Variants in KIF5A observed in about 807,000 individuals in gnomAD.
The protein encoded by KIF5A is kinesin heavy chain isoform 5A.
KIF5A carries 35 observed loss-of-function variants against 141.3 expected under a neutral mutation model. The ratio of observed to expected loss-of-function variants is 0.25; its 90% CI spans 0.19 to 0.33. The LOEUF (loss-of-function observed/expected upper bound fraction) is 0.33, where lower values mean the gene tolerates loss of function less well. Ranked by LOEUF, KIF5A falls within the 10% of genes least tolerant of loss-of-function variation. The probability of loss-of-function intolerance (pLI) is 1.00; values close to 1 mark genes in which losing one functional copy is unlikely to be tolerated. For missense variants in KIF5A, 861 were observed against 1,314.3 expected (o/e 0.66, Z 5.33); for synonymous variants, 448 against 500.2 (o/e 0.90, Z 1.39).
Position 57,567,950 on chromosome 12 carries a change from T to C in KIF5A, c.714+332T>C, listed in dbSNP as rs560790894. Among the ~76,000 whole-genome samples the C allele has an allele frequency of 2.3e-4, 35 of 151,618 alleles. 1 individual carries two copies. In the South Asian group the frequency reaches 2.9e-3, roughly 13 times the overall value. ...CAGGTTGGAGTGCAGTGGCACGCTC[T>C]CAGCTCACTGCAACCCCTGCCTCCC... On this transcript the variant is annotated intron_variant, in intron 8 of 28. Coordinates refer to ENST00000455537, the MANE Select transcript of KIF5A (RefSeq NM_004984.4).
chr12:57,576,360 C>T lies in KIF5A; in HGVS notation c.2180C>T (p.Thr727Ile), dbSNP rs756519830. The change falls in exon 19 of 29, where the codon ACC becomes ATC. Residue 727 changes from threonine (T) to isoleucine (I), a missense_variant. By Grantham distance (89) the Thr-to-Ile change is moderately conservative. Transcript: ENST00000455537. ...GACGAGATCAACGAGAAGCAGAAGA[C>T]CATTGATGAGCTCAAAGAGTAAGGG... ...LRDEINEKQK[T>I]IDELKDLNQK... The T allele has an allele frequency of 1.9e-6, 3 of 1,613,856 alleles. No individual in the cohort carries two copies. The highest frequency in any genetic ancestry group is 1.1e-5 in the South Asian group (1 of 91,050).
At chr12:57,562,969 C>A (rs1308405642) in intron 1 of KIF5A, among the ~76,000 whole-genome samples, 1 of 152,110 alleles carries the variant, frequency 6.6e-6, no homozygotes, top group East Asian at 1.9e-4. Context: ...GGCATCAGTA[C>A]CTTTAGTTTC....
rs532418567 is a variant in KIF5A at position 57,585,467 on chromosome 12, A to T, written c.*1286A>T. 5.6e-4 allele frequency: 86 copies of T among 154,500 alleles called. No homozygotes were observed. Among genetic ancestry groups the T allele is most frequent in the African/African-American group, 2.0e-3 (84 of 41,634 alleles). 9.6% of individuals were successfully genotyped at this position (154,500 alleles called of 1,614,324 possible). ...TGCAGCACCCTCCATACTGAAGAGGACTGTTGTTTTAGTTTCAGACGGTCC... is the reference window on the plus strand; with the variant it reads ...TGCAGCACCCTCCATACTGAAGAGGTCTGTTGTTTTAGTTTCAGACGGTCC... On this transcript the variant is annotated 3_prime_UTR_variant, in exon 29 of 29. Coordinates refer to ENST00000455537, the MANE Select transcript of KIF5A (RefSeq NM_004984.4).
At chr12:57,564,301 C>A in intron 4 of KIF5A, 89 bp downstream of exon 4, 3 of 1,115,972 alleles carry the variant, frequency 2.7e-6, no homozygotes, top group Non-Finnish European at 4.1e-6. Flanking sequence ...GGCTCCCCAA[C>A]TTGACTCCCT....
At chr12:57,552,187 C>T (rs1881597812) in intron 1 of KIF5A, among the ~76,000 whole-genome samples, 1 of 152,100 alleles carries the variant, frequency 6.6e-6, no homozygotes, top group Admixed American at 6.5e-5. Context: ...GCCCAATTTC[C>T]TTGCTCTGGG....
At chr12:57,576,696 G>T (rs969703696) in intron 19 of KIF5A, 65 bp from the exon 20 acceptor site, 1 of 1,175,794 alleles carries the variant, frequency 8.5e-7, no homozygotes, top group African/African-American at 1.5e-5. Flanking sequence ...TTGAAGAGCT[G>T]GCCTTCCCTT....
intron 25 of KIF5A, 66 bp from the exon 26 acceptor site, chr12:57,581,804 A>G (rs1301035677): frequency 7.0e-7 from 1 of 1,427,830 alleles, no homozygotes; most frequent in Admixed American, 1.7e-5. Flanking sequence ...ATGAGTGTGG[A>G]TTAGTGGTCC....
At position 57,576,367 on chromosome 12, in the gene KIF5A, T is replaced by C. The variant is rs1377939525; in HGVS notation, c.2187T>C (p.Asp729=). 1 of 1,613,230 alleles carries C rather than the reference T, an allele frequency of 6.2e-7. No homozygotes were observed. The highest frequency in any genetic ancestry group is 1.7e-4 in the Middle Eastern group (1 of 6,056). ...TCAACGAGAAGCAGAAGACCATTGATGAGCTCAAAGAGTAAGGGTTCCCAA... is the reference window on the plus strand; with the variant it reads ...TCAACGAGAAGCAGAAGACCATTGACGAGCTCAAAGAGTAAGGGTTCCCAA... ...DEINEKQKTI[D]ELKDLNQKLQ... is the part of the protein sequence containing the mutation. Residue 729 remains aspartate, a synonymous_variant, in exon 19 of 29, where the codon GAT becomes GAC. Coordinates refer to ENST00000455537, the MANE Select transcript of KIF5A (RefSeq NM_004984.4).
Position 57,585,636 on chromosome 12 carries a change from C to T in KIF5A, c.*1455C>T, listed in dbSNP as rs1594929367. On this transcript the variant is annotated 3_prime_UTR_variant, in exon 29 of 29. Coordinates refer to ENST00000455537, the MANE Select transcript of KIF5A (RefSeq NM_004984.4). ...AGACCAAGATTCTCCAGCGGCAGGG[C>T]AGCCTATCACCCAACTTCTAAGTCA... 1 of 152,844 alleles carries T rather than the reference C, an allele frequency of 6.5e-6. No individual in the cohort carries two copies. Among genetic ancestry groups the T allele is most frequent in the Non-Finnish European group, 1.5e-5 (1 of 68,216 alleles). The allele number at this position is 152,844 out of a possible 1,614,324, so 9.5% of individuals were successfully genotyped here. A position where few individuals can be genotyped will look rare whatever the true frequency, so the allele number is the denominator to read the frequency against.
chr12:57,581,396 T>A lies in KIF5A; in HGVS notation c.2756-19T>A, dbSNP rs779802893. On this transcript the variant is annotated intron_variant, in intron 24 of 28. Coordinates refer to ENST00000455537, the MANE Select transcript of KIF5A (RefSeq NM_004984.4). ...CAGGGTCATAGCCTCCTCATGGTTG[T>A]TTTCTTTCTTTATTGCAGCCAAACC... The A allele has an allele frequency of 2.5e-6, 4 of 1,613,360 alleles. No homozygotes were observed. In the South Asian group the frequency reaches 4.4e-5, roughly 18 times the overall value.
In KIF5A at chr12:57,564,094, C is replaced by A. The variant is rs778921032; in HGVS notation, c.292-14C>A. On this transcript the variant is annotated splice_polypyrimidine_tract_variant and intron_variant, in intron 3 of 28. Transcript: ENST00000455537. Reference sequence around the variant, plus strand: ...TGAGCCCCAGCTTCACTCTCAAATACCTTCACTCGCCAGGGAAAGCTGCAC... The same window carrying A: ...TGAGCCCCAGCTTCACTCTCAAATAACTTCACTCGCCAGGGAAAGCTGCAC... The A allele has an allele frequency of 1.3e-5, 21 of 1,598,908 alleles. No homozygotes were observed. Among genetic ancestry groups the A allele is most frequent in the Non-Finnish European group, 1.5e-5 (18 of 1,166,392 alleles).
intron 6 of KIF5A, among the ~76,000 whole-genome samples, chr12:57,566,185 A>G (rs1463058261): frequency 4.1e-5 from 6 of 147,836 alleles, no homozygotes; most frequent in Admixed American, 2.0e-4. Context: ...GCTCACTGCA[A>G]CCTCTGCCTC....
At chr12:57,577,643 A>C (rs768475121) in intron 20 of KIF5A, 70 bp from the exon 21 acceptor site, 5 of 1,139,982 alleles carry the variant, frequency 4.4e-6, no homozygotes, top group Non-Finnish European at 6.7e-6. Context: ...GATAAAAGTA[A>C]TAGAGGAAGA....
rs1882093559 is a variant in KIF5A at position 57,567,290 on chromosome 12, A to G, written c.589+77A>G. 4 of 1,336,838 alleles carry G rather than the reference A, an allele frequency of 3.0e-6. No individual in the cohort carries two copies. The East Asian group carries it at 9.2e-5, about 31-fold the overall frequency. 82.8% of individuals were successfully genotyped at this position (1,336,838 alleles called of 1,614,324 possible). A position where few individuals can be genotyped will look rare whatever the true frequency, so the allele number is the denominator to read the frequency against. ...TGTGTCCTCTGGGGTGGAGGGACTC[A>G]AAAGTGAGCAAGGAAACTGTACCCC... On this transcript the variant is annotated intron_variant, in intron 7 of 28. Coordinates refer to ENST00000455537, the MANE Select transcript of KIF5A (RefSeq NM_004984.4).
In KIF5A at chr12:57,586,444, C is replaced by T. The variant is rs1174276110; in HGVS notation, c.*2263C>T. ...TTCACACTACATCCTCCTCCTCCTC[C>T]TGCTCCCCACCTTCACCGCATCCCT... On this transcript the variant is annotated 3_prime_UTR_variant, in exon 29 of 29. Transcript: ENST00000455537. 1.3e-5 allele frequency: 2 copies of T among 152,520 alleles called. No individual in the cohort carries two copies. 9.4% of individuals were successfully genotyped at this position (152,520 alleles called of 1,614,324 possible). A position where few individuals can be genotyped will look rare whatever the true frequency, so the allele number is the denominator to read the frequency against.
chr12:57,559,320 C>A (rs979079068), intron 1 of KIF5A, among the ~76,000 whole-genome samples: 1 of 152,146 alleles, frequency 6.6e-6, no homozygotes, highest in African/African-American at 2.4e-5. Flanking sequence ...TTTCTATGTA[C>A]CCTCAGCAGT....
chr12:57,568,435 G>A (rs2140162195), intron 8 of KIF5A, among the ~76,000 whole-genome samples: 1 of 151,996 alleles, frequency 6.6e-6, no homozygotes, highest in East Asian at 1.9e-4. Context: ...CATATAAATG[G>A]AATCATATGG....
chr12:57,568,068 A>T (rs1460175681), intron 8 of KIF5A, among the ~76,000 whole-genome samples: 1 of 151,924 alleles, frequency 6.6e-6, no homozygotes, highest in Admixed American at 6.6e-5. Context: ...TTTTTAGTAG[A>T]GACGGGGTTT....
At chr12:57,574,876 G>A (rs144467037) in intron 15 of KIF5A, among the ~76,000 whole-genome samples, 3 of 152,156 alleles carry the variant, frequency 2.0e-5, no homozygotes, top group Non-Finnish European at 4.4e-5. Context: ...GAGCTACTGC[G>A]CCCAGCCAGA....
Sources: gnomAD v4.1 joint callset for allele counts (sites outside exome capture counted in the v4.1 genomes callset) on GRCh38, gnomAD v4.1.1 for gene constraint, MANE v1.5 for transcripts, NCBI Gene and HGNC (gene_info 2026-07-23, HGNC 2026-07-21) for gene names.